The following GLUD1 variants were observed in gnomAD, a reference collection of about 807,000 sequenced individuals.
GLUD1 encodes glutamate dehydrogenase 1.
A neutral mutation model predicts 56.0 loss-of-function variants in GLUD1; 22 were observed. That is an observed-to-expected ratio of 0.39 (90% CI 0.28 to 0.56). The LOEUF is 0.56. Among genes scored for constraint, GLUD1 ranks in the 20% least tolerant of loss-of-function variants. The pLI is 0.58. For synonymous variants in GLUD1, 223 were observed against 269.9 expected (o/e 0.83, Z 1.70); for missense variants, 451 against 732.0 (o/e 0.62, Z 4.43).
chr10:87,072,738 T>C (rs1391178762), intron 4 of GLUD1, among the ~76,000 whole-genome samples: 2 of 152,196 alleles, frequency 1.3e-5, no homozygotes, highest in African/African-American at 2.4e-5. Context: ...ATTGCAGATA[T>C]GGGTGACAAA....
At chr10:87,055,525 C>T (rs1035688491) in intron 11 of GLUD1, among the ~76,000 whole-genome samples, 4 of 152,118 alleles carry the variant, frequency 2.6e-5, no homozygotes. Context: ...CAAGTCCTTC[C>T]GATGCACTGC....
chr10:87,054,914 C>T (rs2133780916), intron 11 of GLUD1, among the ~76,000 whole-genome samples: 1 of 152,328 alleles, frequency 6.6e-6, no homozygotes, highest in South Asian at 2.1e-4. Context: ...TGACACAGGA[C>T]TGGGTACAGG....
chr10:87,078,414 C>CT, intron 1 of GLUD1, among the ~76,000 whole-genome samples: 1 of 152,158 alleles, frequency 6.6e-6, no homozygotes, highest in Non-Finnish European at 1.5e-5. Flanking sequence ...CCTCTCCTAC[C>CT]TTGTTTCTTC....
chr10:87,066,966 C>T (rs1379064772), intron 5 of GLUD1, among the ~76,000 whole-genome samples: 1 of 152,206 alleles, frequency 6.6e-6, no homozygotes, highest in African/African-American at 2.4e-5. Context: ...TGGTCCCTTT[C>T]CTTAATTCCA....
At chr10:87,056,085 C>T (rs1171312896) in intron 11 of GLUD1, among the ~76,000 whole-genome samples, 19 of 124,208 alleles carry the variant, frequency 1.5e-4, no homozygotes, top group African/African-American at 5.8e-4. Context: ...CACTGCACTC[C>T]AGCCTGGGTG....
At position 87,062,673 on chromosome 10, in the gene GLUD1, T is replaced by C; in HGVS notation, c.904A>G (p.Lys302Glu). 1 of 1,613,982 alleles carries C rather than the reference T, an allele frequency of 6.2e-7. No individual in the cohort carries two copies. Among genetic ancestry groups the C allele is most frequent in the Non-Finnish European group, 8.5e-7 (1 of 1,179,874 alleles). ...ILGMTPGFGD[K>E]TFVVQGFGNV... ...GTTTTTACCTGAACAACAAATGTTTTATCTCCAAACCCTGGTGTCATTCCT... is the reference window on the plus strand; with the variant it reads ...GTTTTTACCTGAACAACAAATGTTTCATCTCCAAACCCTGGTGTCATTCCT... The change falls in exon 6 of 13, where the codon AAA becomes GAA. Residue 302 changes from lysine (K) to glutamate (E), a missense_variant. By Grantham distance (56) the Lys-to-Glu change is moderately conservative. Around this residue, in one of 4 missense-constraint regions of GLUD1, gnomAD observed 248 missense variants for 460.0 expected, o/e 0.54. Transcript: ENST00000277865.
chr10:87,077,153 A>G (rs1846420953), intron 1 of GLUD1, among the ~76,000 whole-genome samples: 2 of 152,002 alleles, frequency 1.3e-5, no homozygotes, highest in African/African-American at 4.8e-5. Flanking sequence ...TGGGACCACA[A>G]GTGCACACCA....
intron 1 of GLUD1, among the ~76,000 whole-genome samples, chr10:87,087,295 G>T (rs1424304796): frequency 6.6e-6 from 1 of 152,154 alleles, no homozygotes; most frequent in Non-Finnish European, 1.5e-5. Flanking sequence ...ACCCATACAT[G>T]GATGCATTCA....
chr10:87,067,994 A>T (rs1846122119), intron 5 of GLUD1, 69 bp downstream of exon 5: 2 of 889,246 alleles, frequency 2.2e-6, no homozygotes, highest in Non-Finnish European at 3.8e-6. Flanking sequence ...CTTTTGATAT[A>T]ATCAGTCAAA....
chr10:87,074,773 A>G (rs1322233283), intron 3 of GLUD1, among the ~76,000 whole-genome samples, 159 bp from the exon 4 acceptor site: 1 of 152,208 alleles, frequency 6.6e-6, no homozygotes, highest in Non-Finnish European at 1.5e-5. Context: ...TTTAAAGGTG[A>G]CAAAATAAGG....
At position 87,061,231 on chromosome 10, in the gene GLUD1, G is replaced by A. The variant is rs1589359348; in HGVS notation, c.922-179C>T. 6 of 731,670 alleles carry A rather than the reference G, an allele frequency of 8.2e-6. No individual in the cohort carries two copies. The East Asian group carries it at 1.3e-4, about 16-fold the overall frequency. The allele number at this position is 731,670 out of a possible 1,614,324, so 45.3% of individuals were successfully genotyped here. A position where few individuals can be genotyped will look rare whatever the true frequency, so the allele number is the denominator to read the frequency against. On this transcript the variant is annotated intron_variant, in intron 6 of 12. Coordinates refer to ENST00000277865, the MANE Select transcript of GLUD1 (RefSeq NM_005271.5). ...TTCAACAATAAAATTCTCTGTTTAAGAATGTGATGAGCGGGCATGGTGGCT... is the reference window on the plus strand; with the variant it reads ...TTCAACAATAAAATTCTCTGTTTAAAAATGTGATGAGCGGGCATGGTGGCT...
chr10:87,071,111 A>G (rs767983808), intron 4 of GLUD1, among the ~76,000 whole-genome samples: 2 of 151,938 alleles, frequency 1.3e-5, no homozygotes, highest in African/African-American at 2.4e-5. Flanking sequence ...CCTGGGTGAC[A>G]CAGCAAGACT....
chr10:87,084,528 AT>A (rs1190642145), intron 1 of GLUD1, among the ~76,000 whole-genome samples: 1 of 147,804 alleles, frequency 6.8e-6, no homozygotes, highest in Non-Finnish European at 1.5e-5. Flanking sequence ...CTAAGCTTGA[AT>A]TTTTTTTCCT....
chr10:87,053,243 A>G, intron 12 of GLUD1, 99 bp downstream of exon 12: 1 of 805,308 alleles, frequency 1.2e-6, no homozygotes, highest in South Asian at 1.4e-5. Flanking sequence ...GAACAGATTG[A>G]TGTTTTCTAT....
At chr10:87,056,591 G>A (rs1380761757) in intron 11 of GLUD1, among the ~76,000 whole-genome samples, 1 of 152,056 alleles carries the variant, frequency 6.6e-6, no homozygotes, top group Non-Finnish European at 1.5e-5. Flanking sequence ...CACCGCACCT[G>A]GCCTACACAT....
At chr10:87,064,551 T>G (rs1330418280) in intron 5 of GLUD1, among the ~76,000 whole-genome samples, 1 of 152,236 alleles carries the variant, frequency 6.6e-6, no homozygotes, top group African/African-American at 2.4e-5. Flanking sequence ...ACTCCCAACA[T>G]ATCCCTAACA....
chr10:87,089,227 C>T (rs1358724322), intron 1 of GLUD1, among the ~76,000 whole-genome samples: 1 of 152,178 alleles, frequency 6.6e-6, no homozygotes, highest in Non-Finnish European at 1.5e-5. Flanking sequence ...AATTAAAAGC[C>T]TAAGATACAA....
intron 5 of GLUD1, 145 bp from the exon 6 acceptor site, chr10:87,062,980 CT>C: frequency 2.7e-6 from 2 of 743,638 alleles, no homozygotes; most frequent in Non-Finnish European, 4.6e-6. Context: ...TTAAGGTATA[CT>C]TTTACCAATA....
At chr10:87,066,603 C>T (rs982126032) in intron 5 of GLUD1, among the ~76,000 whole-genome samples, 8 of 152,334 alleles carry the variant, frequency 5.3e-5, no homozygotes, top group East Asian at 3.9e-4. Flanking sequence ...CATGTCCACA[C>T]ACCCGTCTAA....
Sources: gnomAD v4.1 joint callset for allele counts (sites outside exome capture counted in the v4.1 genomes callset) on GRCh38, gnomAD v4.1.1 for gene constraint, gnomAD v4.1.1 regional missense constraint, MANE v1.5 for transcripts, NCBI Gene and HGNC (gene_info 2026-07-23, HGNC 2026-07-21) for gene names.